GAB1: variants seen among roughly 807,000 people sequenced by gnomAD.
GAB1 encodes the protein GRB2 associated binding protein 1.
In GAB1, 19 loss-of-function variants were observed where a neutral mutation model predicts 66.5. The observed-to-expected ratio is 0.29, with a 90% CI of 0.20 to 0.42. The LOEUF (loss-of-function observed/expected upper bound fraction) is 0.42. Ranked by LOEUF, GAB1 falls within the 10% of genes least tolerant of loss-of-function variation. GAB1 has a pLI of 1.00. For synonymous variants in GAB1, 294 were observed against 301.4 expected (o/e 0.98, Z 0.25); for missense variants, 732 against 858.5 (o/e 0.85, Z 1.84).
At chr4:143,411,598 G>A (rs62337534) in intron 1 of GAB1, among the ~76,000 whole-genome samples, 81 of 152,286 alleles carry the variant, frequency 5.3e-4, no homozygotes, top group Non-Finnish European at 7.5e-4. Flanking sequence ...GAGCTACCAA[G>A]GCAGCAAGGA....
At chr4:143,341,328 G>T (rs1728817288) in intron 1 of GAB1, among the ~76,000 whole-genome samples, 1 of 152,214 alleles carries the variant, frequency 6.6e-6, no homozygotes, top group Admixed American at 6.5e-5. Flanking sequence ...ATTATTTAAA[G>T]AAATGATGGT....
chr4:143,387,226 G>T (rs1380224408), intron 1 of GAB1, among the ~76,000 whole-genome samples: 1 of 152,146 alleles, frequency 6.6e-6, no homozygotes, highest in Admixed American at 6.5e-5. Flanking sequence ...CTGCCTCCTG[G>T]GTTCAAGCAA....
At chr4:143,463,929 C>CATTGGTAA (rs896281928) in intron 8 of GAB1, among the ~76,000 whole-genome samples, 6 of 152,196 alleles carry the variant, frequency 3.9e-5, no homozygotes, top group Non-Finnish European at 8.8e-5. Context: ...TGGTATTATG[C>CATTGGTAA]ATGCAGGTCT....
intron 1 of GAB1, chr4:143,349,777 A>G: frequency 1.3e-6 from 2 of 1,591,852 alleles, no homozygotes; most frequent in Non-Finnish European, 1.7e-6. Context: ...GATAGCAACG[A>G]ATGCCTTGAA....
intron 1 of GAB1, among the ~76,000 whole-genome samples, chr4:143,355,001 TTTGTTTTCAAACAGGATCTG>T (rs1294675758): frequency 6.6e-6 from 1 of 152,164 alleles, no homozygotes; most frequent in Non-Finnish European, 1.5e-5. Flanking sequence ...AAAACATCTG[TTTGTTTTCAAACAGGATCTG>T]TTGTTTTTCT....
chr4:143,354,532 CAAA>C (rs1729364445), intron 1 of GAB1, among the ~76,000 whole-genome samples: 1 of 151,860 alleles, frequency 6.6e-6, no homozygotes, highest in Non-Finnish European at 1.5e-5. Context: ...AAAAGGGTTA[CAAA>C]ATATTAGGTA....
intron 1 of GAB1, among the ~76,000 whole-genome samples, chr4:143,350,617 G>GCGGTGAGC (rs1490999621): frequency 3.3e-5 from 5 of 149,356 alleles, no homozygotes; most frequent in African/African-American, 9.9e-5. Flanking sequence ...GGCGGAGGTT[G>GCGGTGAGC]CGGTGAGCCG....
intron 7 of GAB1, 21 bp from the exon 8 acceptor site, chr4:143,460,343 G>A: frequency 6.2e-7 from 1 of 1,612,460 alleles, no homozygotes; most frequent in Non-Finnish European, 8.5e-7. Flanking sequence ...TTATGTTTGT[G>A]ATGATAATTT....
intron 1 of GAB1, among the ~76,000 whole-genome samples, chr4:143,376,449 A>G (rs1024187734): frequency 6.6e-6 from 1 of 152,256 alleles, no homozygotes; most frequent in South Asian, 2.1e-4. Flanking sequence ...GATTGCTAGT[A>G]TCGCCCTGTG....
intron 6 of GAB1, among the ~76,000 whole-genome samples, chr4:143,443,434 T>A (rs1049975198): frequency 5.3e-5 from 8 of 152,164 alleles, no homozygotes; most frequent in African/African-American, 1.7e-4. Context: ...ATAAACTCAC[T>A]TTACAAAGTT....
At chr4:143,368,635 T>C (rs1729986303) in intron 1 of GAB1, among the ~76,000 whole-genome samples, 1 of 152,192 alleles carries the variant, frequency 6.6e-6, no homozygotes, top group African/African-American at 2.4e-5. Context: ...CTTCAGATTT[T>C]TTCCTCTTTG....
chr4:143,444,420 G>A (rs1315702276), intron 6 of GAB1, among the ~76,000 whole-genome samples: 1 of 152,060 alleles, frequency 6.6e-6, no homozygotes, highest in African/African-American at 2.4e-5. Context: ...CACCACTTTG[G>A]TTAAAGTACC....
chr4:143,337,370 T>C (rs1316511766), intron 1 of GAB1, 110 bp downstream of exon 1: 2 of 898,260 alleles, frequency 2.2e-6, no homozygotes, highest in Non-Finnish European at 3.5e-6. Context: ...CTTAAACGAA[T>C]GCCGGTCTCT....
chr4:143,430,629 C>T (rs1272067282), intron 2 of GAB1, among the ~76,000 whole-genome samples: 1 of 152,040 alleles, frequency 6.6e-6, no homozygotes, highest in African/African-American at 2.4e-5. Context: ...TTCAGATTAC[C>T]ATAAGTTATT....
At chr4:143,341,507 G>C (rs1408939813) in intron 1 of GAB1, among the ~76,000 whole-genome samples, 1 of 152,212 alleles carries the variant, frequency 6.6e-6, no homozygotes, top group African/African-American at 2.4e-5. Flanking sequence ...TCAGCATTGG[G>C]CAGGTGCACA....
In GAB1 at chr4:143,473,503, A is replaced by G. The variant is rs1380887450; in HGVS notation, c.*4314A>G. 6.6e-6 allele frequency: 1 copy of G among 150,772 alleles called. No homozygotes were observed. The highest frequency in any genetic ancestry group is 2.5e-5 in the African/African-American group (1 of 40,178). 9.3% of individuals were successfully genotyped at this position (150,772 alleles called of 1,614,324 possible). A position where few individuals can be genotyped will look rare whatever the true frequency, so the allele number is the denominator to read the frequency against. On this transcript the variant is annotated 3_prime_UTR_variant, in exon 10 of 10. Coordinates refer to ENST00000262994, the MANE Select transcript of GAB1 (RefSeq NM_002039.4). ...ATCTCACTAAATCATGTTGAAACAC[A>G]AGTCATGATCCTCTCTAAGTAAATA... is the stretch of plus-strand genomic sequence containing the variant.
intron 1 of GAB1, among the ~76,000 whole-genome samples, chr4:143,371,907 T>C (rs1286607722): frequency 6.6e-6 from 1 of 152,186 alleles, no homozygotes; most frequent in Non-Finnish European, 1.5e-5. Context: ...CTCGTTTTTA[T>C]GAAGAATCAT....
At chr4:143,377,443 A>G (rs141694520) in intron 1 of GAB1, among the ~76,000 whole-genome samples, 2 of 152,336 alleles carry the variant, frequency 1.3e-5, no homozygotes, top group African/African-American at 2.4e-5. Flanking sequence ...GTTGAAATTT[A>G]TAACTGAAAA....
At chr4:143,462,495 A>G (rs1011165978) in intron 8 of GAB1, among the ~76,000 whole-genome samples, 1 of 152,150 alleles carries the variant, frequency 6.6e-6, no homozygotes, top group Non-Finnish European at 1.5e-5. Context: ...GTGATTTGTC[A>G]TGGGTGTTAG....
Sources: allele counts gnomAD v4.1 joint callset (sites outside exome capture counted in the v4.1 genomes callset), GRCh38; gene constraint gnomAD v4.1.1; transcripts MANE v1.5; gene names NCBI Gene and HGNC (gene_info 2026-07-23, HGNC 2026-07-21).